The following PRDM5 variants were observed in gnomAD, a reference collection of about 807,000 sequenced individuals.
PRDM5 encodes PR/SET domain 5, also known as PR domain zinc finger protein 5.
Under a neutral mutation model 81.2 loss-of-function variants are expected in PRDM5, and 56 were observed. That is an observed-to-expected ratio of 0.69 (90% CI 0.56 to 0.86). The LOEUF is 0.86. Ranked by LOEUF, PRDM5 falls within the 40% of genes least tolerant of loss-of-function variation. The pLI is 0.00. For synonymous variants in PRDM5, 267 were observed against 256.4 expected (o/e 1.04, Z -0.39); for missense variants, 697 against 770.1 (o/e 0.91, Z 1.12).
At chr4:120,789,470 G>T (rs960521666) in intron 10 of PRDM5, among the ~76,000 whole-genome samples, 2 of 151,738 alleles carry the variant, frequency 1.3e-5, no homozygotes, top group Non-Finnish European at 2.9e-5. Context: ...TCTTCTTTGG[G>T]GTATGTGCAA....
In PRDM5 at chr4:120,909,624, A is replaced by G. The variant is rs557751865; in HGVS notation, c.94-2067T>C. 2.6e-4 allele frequency among the ~76,000 whole-genome samples: 33 copies of G among 124,998 alleles called. No homozygotes were observed. The South Asian group carries it at 6.8e-3, about 26-fold the overall frequency. 82.0% of individuals were successfully genotyped at this position (124,998 alleles called of 152,430 possible). The stretch of plus-strand genomic sequence containing the variant: ...TCTTTGCAGTACAAATTTGGAGGGG[A>G]AAAAAAAAAGTGAATCTATCAATTC... On this transcript the variant is annotated intron_variant, in intron 1 of 15. Coordinates refer to ENST00000264808, the MANE Select transcript of PRDM5 (RefSeq NM_018699.4).
intron 2 of PRDM5, among the ~76,000 whole-genome samples, chr4:120,875,473 C>G (rs879426860): frequency 6.6e-6 from 1 of 152,200 alleles, no homozygotes; most frequent in Non-Finnish European, 1.5e-5. Flanking sequence ...ACAGGGGCAA[C>G]CCTGAAACCA....
At chr4:120,710,228 C>T in intron 15 of PRDM5, 81 bp downstream of exon 15, 2 of 1,174,642 alleles carry the variant, frequency 1.7e-6, no homozygotes, top group Non-Finnish European at 2.5e-6. Context: ...CAGACACACA[C>T]ACACACACAC....
At chr4:120,844,800 G>A (rs563996716) in intron 3 of PRDM5, among the ~76,000 whole-genome samples, 15 of 152,246 alleles carry the variant, frequency 9.9e-5, no homozygotes, top group Non-Finnish European at 2.1e-4. Flanking sequence ...GTCAAAAGCT[G>A]AGACAGGCTG....
intron 15 of PRDM5, among the ~76,000 whole-genome samples, chr4:120,706,936 C>T (rs1420688749): frequency 1.3e-5 from 2 of 151,372 alleles, no homozygotes; most frequent in East Asian, 3.9e-4. Flanking sequence ...AAAAGCATAC[C>T]AACAAGGAAA....
intron 3 of PRDM5, among the ~76,000 whole-genome samples, chr4:120,842,744 C>G (rs1758169319): frequency 6.6e-6 from 1 of 152,044 alleles, no homozygotes; most frequent in Non-Finnish European, 1.5e-5. Flanking sequence ...TTGCCACTTT[C>G]CCCCCATGAC....
intron 14 of PRDM5, among the ~76,000 whole-genome samples, chr4:120,711,204 T>A (rs1474052561): frequency 1.3e-5 from 2 of 152,238 alleles, no homozygotes; most frequent in Admixed American, 1.3e-4. Context: ...AATTGTTTAC[T>A]TTCTAAGAGG....
chr4:120,859,912 C>T (rs1299775728), intron 2 of PRDM5, among the ~76,000 whole-genome samples: 1 of 152,160 alleles, frequency 6.6e-6, no homozygotes, highest in Non-Finnish European at 1.5e-5. Flanking sequence ...CTCATGGGTG[C>T]ACACAAACTT....
chr4:120,741,068 C>T (rs1741858414), intron 14 of PRDM5, among the ~76,000 whole-genome samples: 1 of 152,068 alleles, frequency 6.6e-6, no homozygotes, highest in South Asian at 2.1e-4. Flanking sequence ...TCCTGGAATC[C>T]ACCAGCCCTC....
intron 10 of PRDM5, among the ~76,000 whole-genome samples, chr4:120,793,632 T>C (rs1050862523): frequency 1.3e-5 from 2 of 152,354 alleles, no homozygotes; most frequent in Middle Eastern, 3.4e-3. Flanking sequence ...CTTCATTGTA[T>C]TTAATTATTT....
chr4:120,708,963 G>A (rs1041861202), intron 15 of PRDM5, among the ~76,000 whole-genome samples: 3 of 152,132 alleles, frequency 2.0e-5, no homozygotes, highest in Non-Finnish European at 4.4e-5. Context: ...CAGCAGATTA[G>A]TATGGGCTGC....
rs1184397934 is a variant in PRDM5, at chr4:120,746,984, C to T, written c.1623+7569G>A. On this transcript the variant is annotated intron_variant, in intron 14 of 15. Transcript: ENST00000264808. Reference sequence around the variant, plus strand: ...ATGCTGCTATAAAGACACATGCACACGTATGTTTATTGCAGCATTATTCAC... The same window carrying T: ...ATGCTGCTATAAAGACACATGCACATGTATGTTTATTGCAGCATTATTCAC... Among the ~76,000 whole-genome samples, 12 of 150,486 alleles carry T rather than the reference C, an allele frequency of 8.0e-5. No homozygotes were observed. In the South Asian group the frequency reaches 1.1e-3, roughly 13 times the overall value.
At chr4:120,819,562 T>G (rs988853697) in intron 4 of PRDM5, among the ~76,000 whole-genome samples, 1 of 152,116 alleles carries the variant, frequency 6.6e-6, no homozygotes, top group African/African-American at 2.4e-5. Flanking sequence ...ATAGCCACAA[T>G]GCAAGTGCTT....
chr4:120,732,434 C>T (rs1390108957), intron 14 of PRDM5, among the ~76,000 whole-genome samples: 1 of 151,662 alleles, frequency 6.6e-6, no homozygotes, highest in East Asian at 1.9e-4. Context: ...ACAAGATCTC[C>T]AATTTTACAG....
intron 7 of PRDM5, chr4:120,812,679 G>C: frequency 3.5e-6 from 1 of 287,760 alleles, no homozygotes; most frequent in South Asian, 3.1e-5. Context: ...TTAATCACTT[G>C]TCAGATGGGT....
rs151142121 is a variant in PRDM5 at position 120,893,161 on chromosome 4, G to T, written c.177+14313C>A. 2.8e-3 allele frequency among the ~76,000 whole-genome samples: 430 copies of T among 152,336 alleles called. 1 individual carries two copies. The highest frequency in any genetic ancestry group is 9.9e-3 in the African/African-American group (410 of 41,578). On this transcript the variant is annotated intron_variant, in intron 2 of 15. Transcript: ENST00000264808. ...GAAGGAAGATGGCAGGCTGCTGGGAGTCCAGGGGGATTCTCCCGTTTCCAG... is the reference window on the plus strand; with the variant it reads ...GAAGGAAGATGGCAGGCTGCTGGGATTCCAGGGGGATTCTCCCGTTTCCAG...
chr4:120,686,836 T>C (rs1371961362), intron 1 of PRDM5, among the ~76,000 whole-genome samples: 1 of 151,926 alleles, frequency 6.6e-6, no homozygotes, highest in African/African-American at 2.4e-5. Flanking sequence ...AAAATTTATA[T>C]TATATATAAT....
intron 12 of PRDM5, among the ~76,000 whole-genome samples, chr4:120,778,945 A>G (rs765307893): frequency 2.6e-5 from 4 of 152,140 alleles, no homozygotes; most frequent in African/African-American, 4.8e-5. Flanking sequence ...AAATATGCCA[A>G]TTTGTGTTTC....
At chr4:120,705,035 G>A (rs1735911642) in intron 15 of PRDM5, among the ~76,000 whole-genome samples, 1 of 152,262 alleles carries the variant, frequency 6.6e-6, no homozygotes, top group East Asian at 1.9e-4. Context: ...TTTTGTAAGT[G>A]GTGGGAATTC....
Sources: gnomAD v4.1 joint callset for allele counts (sites outside exome capture counted in the v4.1 genomes callset) on GRCh38, gnomAD v4.1.1 for gene constraint, MANE v1.5 for transcripts, NCBI Gene and HGNC (gene_info 2026-07-23, HGNC 2026-07-21) for gene names.